Variants in SPDYA observed in about 807,000 individuals in gnomAD.
SPDYA encodes speedy/RINGO cell cycle regulator family member A, also known as speedy protein A.
In SPDYA, 11 loss-of-function variants were observed where a neutral mutation model predicts 36.7. That is an observed-to-expected ratio of 0.30 (90% CI 0.19 to 0.50). The LOEUF is 0.50. Ranked by LOEUF, SPDYA falls within the 20% of genes least tolerant of loss-of-function variation. The probability of loss-of-function intolerance (pLI) is 0.98; values close to 1 mark genes in which losing one functional copy is unlikely to be tolerated. For synonymous variants in SPDYA, 115 were observed against 118.7 expected (o/e 0.97, Z 0.20); for missense variants, 287 against 370.9 (o/e 0.77, Z 1.86).
Position 28,821,179 on chromosome 2 carries a change from T to TTTTC in SPDYA, c.295-1143_295-1142insCTTT, listed in dbSNP as rs758623716. On this transcript the variant is annotated intron_variant, in intron 4 of 7. Transcript: ENST00000334056. ...CAATTCATGTGGAGTTATGATGTGA[T>TTTTC]TTTTTTTTTTTCTTTTTCTTTTTTT... Among the ~76,000 whole-genome samples, 199 of 103,086 alleles carry TTTTC rather than the reference T, an allele frequency of 1.9e-3. 1 individual carries two copies. The highest frequency in any genetic ancestry group is 3.0e-3 in the Non-Finnish European group (158 of 52,092). The allele number at this position is 103,086 out of a possible 152,430, so 67.6% of individuals were successfully genotyped here. A position where few individuals can be genotyped will look rare whatever the true frequency, so the allele number is the denominator to read the frequency against.
intron 1 of SPDYA, among the ~76,000 whole-genome samples, chr2:28,812,469 A>AAAAT (rs147136234): frequency 3.4e-5 from 5 of 149,158 alleles, no homozygotes; most frequent in Admixed American, 3.3e-4. Flanking sequence ...TACCAAAAAA[A>AAAAT]AAAGAAAGAA....
At position 28,811,130 on chromosome 2, in the gene SPDYA, C is replaced by G. The variant is rs1667829352; in HGVS notation, c.-93+183C>G. The G allele has an allele frequency of 6.6e-6, 1 of 152,370 alleles. No homozygotes were observed. Among genetic ancestry groups the G allele is most frequent in the African/African-American group, 2.4e-5 (1 of 41,468 alleles). 9.4% of individuals were successfully genotyped at this position (152,370 alleles called of 1,614,324 possible). A position where few individuals can be genotyped will look rare whatever the true frequency, so the allele number is the denominator to read the frequency against. On this transcript the variant is annotated intron_variant, in intron 1 of 7. Transcript: ENST00000334056. The surrounding 1 kb of genome is among the most constrained non-coding windows in gnomAD (Gnocchi z 4.2). ...CAGCTGCCTTCGCGGCGACGACACACGCGCTCCCCGCAGCGGGCTCTGGGC... is the reference window on the plus strand; with the variant it reads ...CAGCTGCCTTCGCGGCGACGACACAGGCGCTCCCCGCAGCGGGCTCTGGGC...
chr2:28,825,672 T>C (rs1668299093), intron 5 of SPDYA, among the ~76,000 whole-genome samples: 1 of 152,182 alleles, frequency 6.6e-6, no homozygotes. Flanking sequence ...TACTTAATTG[T>C]AGGCTCCTTA....
chr2:28,824,188 T>C (rs970870517), intron 5 of SPDYA, among the ~76,000 whole-genome samples: 2 of 151,996 alleles, frequency 1.3e-5, no homozygotes, highest in Admixed American at 6.6e-5. Flanking sequence ...ATTAAAGAAA[T>C]AGGACTAGGC....
chr2:28,829,368 T>A, intron 6 of SPDYA, 49 bp downstream of exon 6: 2 of 1,551,106 alleles, frequency 1.3e-6, no homozygotes. Context: ...TTTCTGTTTA[T>A]CTTATTATCC....
chr2:28,848,933 T>C (rs996690577), intron 7 of SPDYA, among the ~76,000 whole-genome samples: 1 of 151,866 alleles, frequency 6.6e-6, no homozygotes, highest in East Asian at 1.9e-4. Context: ...GTAGTCCAAC[T>C]ACATGGGAAG....
Position 28,811,824 on chromosome 2 carries a change from C to T in SPDYA, c.-93+877C>T, listed in dbSNP as rs1023946145. ...AAAAAAAAGTATCCTGGCATGGTGG[C>T]GGGCGCCTGTAATCCCAGCTCCTCG... On this transcript the variant is annotated intron_variant, in intron 1 of 7. Transcript: ENST00000334056. This position sits in a 1 kb window ranked among gnomAD's most constrained non-coding sequence, Gnocchi z 4.2. Among the ~76,000 whole-genome samples, 2 of 149,304 alleles carry T rather than the reference C, an allele frequency of 1.3e-5. No individual in the cohort carries two copies. Among genetic ancestry groups the T allele is most frequent in the South Asian group, 2.1e-4 (1 of 4,686 alleles).
At chr2:28,831,107 G>A (rs1309775965) in intron 6 of SPDYA, among the ~76,000 whole-genome samples, 2 of 152,140 alleles carry the variant, frequency 1.3e-5, no homozygotes, top group Non-Finnish European at 2.9e-5. Flanking sequence ...TGTAATCCCA[G>A]CACTTTTGGA....
chr2:28,817,851 CAAAAAA>C (rs70956049), intron 3 of SPDYA, among the ~76,000 whole-genome samples: 16 of 30,698 alleles, frequency 5.2e-4, no homozygotes, highest in African/African-American at 2.6e-3. Context: ...GACTCTGTCT[CAAAAAA>C]AAAAAAAAAA....
At chr2:28,828,282 C>T (rs564754670) in intron 5 of SPDYA, among the ~76,000 whole-genome samples, 6 of 152,188 alleles carry the variant, frequency 3.9e-5, no homozygotes, top group East Asian at 1.9e-4. Context: ...CCACCACGCC[C>T]GGCCCTCATC....
chr2:28,829,663 G>T (rs1173272540), intron 6 of SPDYA, among the ~76,000 whole-genome samples: 1 of 151,576 alleles, frequency 6.6e-6, no homozygotes, highest in Non-Finnish European at 1.5e-5. Flanking sequence ...CAAAAATTAG[G>T]CTGGGTGCGG....
chr2:28,844,351 T>C (rs904221958), intron 7 of SPDYA, among the ~76,000 whole-genome samples: 1 of 152,194 alleles, frequency 6.6e-6, no homozygotes, highest in Non-Finnish European at 1.5e-5. Flanking sequence ...GCCTTCTGAA[T>C]AGCAGACAGA....
At chr2:28,835,075 T>A (rs1668561258) in intron 6 of SPDYA, among the ~76,000 whole-genome samples, 1 of 152,164 alleles carries the variant, frequency 6.6e-6, no homozygotes, top group South Asian at 2.1e-4. Context: ...TTGTTTTTGT[T>A]TTTGAGACAG....
At chr2:28,812,447 T>C (rs900221887) in intron 1 of SPDYA, among the ~76,000 whole-genome samples, 1 of 146,578 alleles carries the variant, frequency 6.8e-6, no homozygotes, top group African/African-American at 2.5e-5. Context: ...TCTAGAATTT[T>C]TGTGATTTAC....
intron 7 of SPDYA, among the ~76,000 whole-genome samples, chr2:28,843,894 G>A (rs1431026138): frequency 1.3e-5 from 2 of 151,970 alleles, no homozygotes; most frequent in East Asian, 1.9e-4. Flanking sequence ...TATGACGCCT[G>A]GGCTGGTCCA....
chr2:28,819,850 A>ATATG (rs1668105892), intron 4 of SPDYA, among the ~76,000 whole-genome samples: 1 of 6,902 alleles, frequency 1.4e-4, no homozygotes, highest in African/African-American at 6.5e-4. Flanking sequence ...AAAAAAAAAA[A>ATATG]TATATATATA....
chr2:28,822,291 C>T (rs1255487187), intron 4 of SPDYA, 34 bp from the exon 5 acceptor site: 3 of 1,045,796 alleles, frequency 2.9e-6, no homozygotes, highest in African/African-American at 1.6e-5. Flanking sequence ...GAAAGCAAAA[C>T]ATTAATATTA....
chr2:28,816,748 C>T (rs993890573), intron 3 of SPDYA, among the ~76,000 whole-genome samples: 1 of 152,080 alleles, frequency 6.6e-6, no homozygotes, highest in Non-Finnish European at 1.5e-5. Context: ...TATAATGAAA[C>T]TGAGTTTGAA....
intron 7 of SPDYA, among the ~76,000 whole-genome samples, chr2:28,848,900 G>T (rs1668957813): frequency 6.6e-6 from 1 of 151,996 alleles, no homozygotes; most frequent in Non-Finnish European, 1.5e-5. Flanking sequence ...ACAAAAATTG[G>T]CTGGGCGTGG....
Sources: allele counts gnomAD v4.1 joint callset (sites outside exome capture counted in the v4.1 genomes callset), GRCh38; gene constraint gnomAD v4.1.1; non-coding constraint Gnocchi (gnomAD v3.1); transcripts MANE v1.5; gene names NCBI Gene and HGNC (gene_info 2026-07-23, HGNC 2026-07-21).